Variants in RTTN observed in about 807,000 individuals in gnomAD.
RTTN encodes rotatin.
RTTN carries 182 observed loss-of-function variants against 269.2 expected under a neutral mutation model. That is an observed-to-expected ratio of 0.68 (90% CI 0.60 to 0.76). The LOEUF (loss-of-function observed/expected upper bound fraction) is 0.76. RTTN is among the 30% of genes least tolerant of loss of function. RTTN has a pLI of 0.00. For synonymous variants in RTTN, 1,006 were observed against 963.5 expected, an observed-to-expected ratio of 1.04 and a Z score of -0.82; for missense variants, 2,545 against 2,608.6, an observed-to-expected ratio of 0.98 and a Z score of 0.53.
intron 27 of RTTN, among the ~76,000 whole-genome samples, chr18:70,110,954 C>T (rs1041847892): frequency 2.6e-5 from 4 of 152,216 alleles, no homozygotes; most frequent in African/African-American, 9.6e-5. Flanking sequence ...CTGGGAAGTT[C>T]GAACTGGGCA....
At chr18:70,006,125 C>A in intron 47 of RTTN, 1 of 347,190 alleles carries the variant, frequency 2.9e-6, no homozygotes. Flanking sequence ...TAAAGTAAAT[C>A]AATTTAAATT....
Position 70,092,153 on chromosome 18 carries a change from C to A in RTTN, c.4100G>T (p.Gly1367Val). ...HSEEHIPTQQ[G>V]LAWLIPLWVD... is the part of the protein sequence containing the mutation. ...CCATAATGGAATCAACCAAGCCAAT[C>A]CTTGTTGAGTAGGAATATGTTCTTC... Residue 1367 changes from glycine (G) to valine (V), a missense_variant, in exon 30 of 49, where the codon GGA becomes GTA. Gly to Val is a moderately radical substitution (Grantham distance 109, BLOSUM62 -3). Transcript: ENST00000640769. The A allele has an allele frequency of 6.2e-7, 1 of 1,613,606 alleles. No homozygotes were observed. Among genetic ancestry groups the A allele is most frequent in the Non-Finnish European group, 8.5e-7 (1 of 1,179,672 alleles).
intron 25 of RTTN, among the ~76,000 whole-genome samples, chr18:70,126,746 T>C (rs540647967): frequency 6.6e-6 from 1 of 152,234 alleles, no homozygotes; most frequent in East Asian, 1.9e-4. Flanking sequence ...ATCAGCTCTC[T>C]CACAAGGCTG....
At chr18:70,087,058 C>T (rs747333253) in intron 31 of RTTN, among the ~76,000 whole-genome samples, 5 of 152,020 alleles carry the variant, frequency 3.3e-5, no homozygotes, top group African/African-American at 7.2e-5. Flanking sequence ...AGATTACACA[C>T]ACACACACAC....
At chr18:70,020,584 T>C (rs754473630) in intron 45 of RTTN, 31 bp downstream of exon 45, 14 of 1,542,956 alleles carry the variant, frequency 9.1e-6, no homozygotes, top group Non-Finnish European at 1.2e-5. Flanking sequence ...TGAGTACCCT[T>C]TTAAGATATG....
chr18:70,197,188 T>A (rs1364939249), intron 6 of RTTN, among the ~76,000 whole-genome samples: 1 of 152,068 alleles, frequency 6.6e-6, no homozygotes, highest in Non-Finnish European at 1.5e-5. Context: ...TGGATCCCTC[T>A]CTCTCTACTA....
At position 70,075,518 on chromosome 18, in the gene RTTN, G is replaced by A; in HGVS notation, c.4398C>T (p.Asp1466=). The A allele has an allele frequency of 6.3e-7, 1 of 1,586,064 alleles. No individual in the cohort carries two copies. Among genetic ancestry groups the A allele is most frequent in the Non-Finnish European group, 8.5e-7 (1 of 1,170,182 alleles). ...GTTTTCCAATGAGCGATAGGCCAGA[G>A]TCCTCATCATGAACACAGGGACCCT... is the stretch of plus-strand genomic sequence containing the variant. ...TWQGPCVHDE[D]SGLSLIGKPA... Residue 1466 remains aspartate (D), a synonymous_variant, in exon 33 of 49, where the codon GAC becomes GAT. Transcript: ENST00000640769.
chr18:70,146,661 T>G (rs1239413502), intron 17 of RTTN, among the ~76,000 whole-genome samples: 7 of 152,222 alleles, frequency 4.6e-5, no homozygotes, highest in Middle Eastern at 3.2e-3. Context: ...AACTTTTATC[T>G]CACTTTATGA....
Position 70,092,669 on chromosome 18 carries a change from C to T in RTTN, c.4032+7G>A, listed in dbSNP as rs375641454. The T allele has an allele frequency of 1.6e-4, 261 of 1,611,268 alleles. No homozygotes were observed. The highest frequency in any genetic ancestry group is 1.9e-4 in the Non-Finnish European group (221 of 1,178,148). ...GTTCAGAAGATAGACAGCTTTAACG[C>T]GCTCACCAAGCTCCCAGCCTGGGCC... On this transcript the variant is annotated splice_region_variant and intron_variant, in intron 29 of 48. Coordinates refer to ENST00000640769, the MANE Select transcript of RTTN (RefSeq NM_173630.4).
At chr18:70,079,759 A>G (rs892185113) in intron 32 of RTTN, among the ~76,000 whole-genome samples, 6 of 152,130 alleles carry the variant, frequency 3.9e-5, no homozygotes, top group Non-Finnish European at 7.4e-5. Context: ...CAAATTAATT[A>G]TGTCATATCA....
intron 10 of RTTN, among the ~76,000 whole-genome samples, chr18:70,181,820 A>G (rs999581166): frequency 6.6e-6 from 1 of 152,194 alleles, no homozygotes; most frequent in South Asian, 2.1e-4. Context: ...TAAACAAGTA[A>G]AAGTAAATCA....
At chr18:70,156,742 T>G (rs185111878) in intron 14 of RTTN, among the ~76,000 whole-genome samples, 1 of 152,216 alleles carries the variant, frequency 6.6e-6, no homozygotes, top group Admixed American at 6.5e-5. Flanking sequence ...AGCCGACACT[T>G]AGGGAAAACA....
chr18:70,145,302 A>G (rs981719437), intron 18 of RTTN, among the ~76,000 whole-genome samples: 1 of 152,228 alleles, frequency 6.6e-6, no homozygotes, highest in African/African-American at 2.4e-5. Flanking sequence ...TTACAATGTA[A>G]TAACAATAGA....
chr18:70,095,998 G>GTTT (rs111933421), intron 28 of RTTN, among the ~76,000 whole-genome samples: 4 of 138,088 alleles, frequency 2.9e-5, no homozygotes, highest in South Asian at 4.8e-4. Context: ...ATTCCCTTTT[G>GTTT]TTTTTTTTTT....
chr18:70,141,594 C>T (rs1409704037), intron 19 of RTTN, among the ~76,000 whole-genome samples: 5 of 151,884 alleles, frequency 3.3e-5, no homozygotes, highest in Non-Finnish European at 5.9e-5. Context: ...GGACACAGGG[C>T]GGGGAACATC....
intron 32 of RTTN, among the ~76,000 whole-genome samples, chr18:70,076,767 G>C (rs977416859): frequency 6.6e-6 from 1 of 151,944 alleles, no homozygotes; most frequent in African/African-American, 2.4e-5. Context: ...AGGTCTAGAA[G>C]AATCAGGTAA....
At chr18:70,197,802 A>G in intron 5 of RTTN, 64 bp from the exon 6 acceptor site, 1 of 1,015,446 alleles carries the variant, frequency 9.8e-7, no homozygotes, top group Admixed American at 1.9e-5. Context: ...TAAGTAGCCT[A>G]CTGACACAAT....
chr18:70,015,520 G>A (rs11873241), intron 46 of RTTN, among the ~76,000 whole-genome samples: 2,938 of 152,164 alleles, frequency 0.019, 92 homozygotes, highest in African/African-American at 0.066. Context: ...ATCCCCAAGT[G>A]GAAAGCGAGG....
intron 10 of RTTN, among the ~76,000 whole-genome samples, chr18:70,187,596 G>A (rs1361982366): frequency 6.6e-6 from 1 of 152,146 alleles, no homozygotes; most frequent in Admixed American, 6.5e-5. Context: ...TCCTTAGTGA[G>A]ATTAGTCTAT....
Sources: gnomAD v4.1 joint callset for allele counts (sites outside exome capture counted in the v4.1 genomes callset) on GRCh38, gnomAD v4.1.1 for gene constraint, MANE v1.5 for transcripts, NCBI Gene and HGNC (gene_info 2026-07-23, HGNC 2026-07-21) for gene names.